The following TAOK1 variants were observed in gnomAD, a reference collection of about 807,000 sequenced individuals.
The protein encoded by TAOK1 is TAO kinase 1.
Under a neutral mutation model 138.3 loss-of-function variants are expected in TAOK1, and 21 were observed. The observed-to-expected ratio is 0.15, with a 90% CI of 0.11 to 0.22. The LOEUF is 0.22. Ranked by LOEUF, TAOK1 falls within the 10% of genes least tolerant of loss-of-function variation. TAOK1 has a pLI of 1.00. For synonymous variants in TAOK1, 361 were observed against 398.4 expected (o/e 0.91, Z 1.12); for missense variants, 651 against 1,227.7 (o/e 0.53, Z 7.02).
At chr17:29,440,958 C>T (rs529917081) in intron 1 of TAOK1, among the ~76,000 whole-genome samples, 67 of 152,152 alleles carry the variant, frequency 4.4e-4, no homozygotes, top group Admixed American at 3.5e-3. Context: ...GGGTTTTTTC[C>T]CTTCATTTTG....
rs1200088142 is a variant in TAOK1 at position 29,475,698 on chromosome 17, A to G, written c.233A>G (p.Lys78Arg). 1.9e-6 allele frequency: 3 copies of G among 1,612,796 alleles called. No homozygotes were observed. The Admixed American group carries it at 5.0e-5, about 27-fold the overall frequency. The change falls in exon 4 of 20, where the codon AAG becomes AGG. Residue 78 changes from lysine to arginine, a missense_variant. Around this residue, in one of 8 missense-constraint regions of TAOK1, gnomAD observed 116 missense variants for 213.9 expected, o/e 0.54. Coordinates refer to ENST00000261716, the MANE Select transcript of TAOK1 (RefSeq NM_020791.4). ...EKWQDIIKEV[K>R]FLQRIKHPNS... Reference sequence around the variant, plus strand: ...TGGCAGGATATTATTAAGGAAGTCAAGTTTCTACAAAGAATAAAACATCCC... The same window carrying G: ...TGGCAGGATATTATTAAGGAAGTCAGGTTTCTACAAAGAATAAAACATCCC...
chr17:29,455,801 C>T (rs1270501696), intron 2 of TAOK1, among the ~76,000 whole-genome samples: 1 of 150,026 alleles, frequency 6.7e-6, no homozygotes, highest in African/African-American at 2.5e-5. Context: ...ATCACCCTTA[C>T]ATGTCTGTGA....
intron 1 of TAOK1, among the ~76,000 whole-genome samples, chr17:29,436,821 C>T (rs959458081): frequency 3.3e-5 from 5 of 152,244 alleles, no homozygotes; most frequent in East Asian, 1.9e-4. Context: ...TGTACCTAAA[C>T]GTGTCACATA....
chr17:29,542,962 G>T lies in TAOK1; in HGVS notation c.2946G>T (p.Met982Ile). The T allele has an allele frequency of 6.2e-7, 1 of 1,611,960 alleles. No individual in the cohort carries two copies. Among genetic ancestry groups the T allele is most frequent in the South Asian group, 1.1e-5 (1 of 90,984 alleles). The change falls in exon 20 of 20, where the codon ATG becomes ATT. Residue 982 changes from methionine to isoleucine, a missense_variant. By Grantham distance (10) the Met-to-Ile change is conservative. Around this residue, in one of 8 missense-constraint regions of TAOK1, gnomAD observed 108 missense variants for 120.3 expected, o/e 0.90. Coordinates refer to ENST00000261716, the MANE Select transcript of TAOK1 (RefSeq NM_020791.4). Reference protein sequence around the residue: ...TASGGRTEQGMSRSTSVTSQI... With the variant: ...TASGGRTEQGISRSTSVTSQI... Reference sequence around the variant, plus strand: ...CTGGGGGACGGACGGAGCAGGGCATGAGCAGAAGCACGAGTGTCACTTCAC... The same window carrying T: ...CTGGGGGACGGACGGAGCAGGGCATTAGCAGAAGCACGAGTGTCACTTCAC...
chr17:29,482,251 A>G lies in TAOK1; in HGVS notation c.618A>G (p.Val206=), dbSNP rs552912150. The G allele has an allele frequency of 6.8e-6, 11 of 1,613,012 alleles. No homozygotes were observed. In the Admixed American group the frequency reaches 1.7e-4, roughly 24 times the overall value. Residue 206 remains valine (V), a synonymous_variant, in exon 8 of 20, where the codon GTA becomes GTG. Coordinates refer to ENST00000261716, the MANE Select transcript of TAOK1 (RefSeq NM_020791.4). The part of the protein sequence containing the change: ...AMDEGQYDGK[V]DVWSLGITCI... ...ATGAAGGACAATATGATGGCAAAGTAGATGTGTGGTCTCTTGGAATAACAT... is the reference window on the plus strand; with the variant it reads ...ATGAAGGACAATATGATGGCAAAGTGGATGTGTGGTCTCTTGGAATAACAT...
chr17:29,399,421 T>A (rs1036282490), intron 1 of TAOK1, among the ~76,000 whole-genome samples: 5 of 152,106 alleles, frequency 3.3e-5, no homozygotes, highest in Non-Finnish European at 5.9e-5. Context: ...GTTCATGCCA[T>A]TCTCCTGCCT....
chr17:29,468,490 T>A (rs1422904320), intron 3 of TAOK1, among the ~76,000 whole-genome samples: 1 of 151,970 alleles, frequency 6.6e-6, no homozygotes, highest in Non-Finnish European at 1.5e-5. Context: ...GGAAAGATTA[T>A]CAGTTTCTAA....
chr17:29,518,790 A>G (rs1427118324), intron 16 of TAOK1, among the ~76,000 whole-genome samples: 1 of 150,084 alleles, frequency 6.7e-6, no homozygotes, highest in Non-Finnish European at 1.5e-5. Flanking sequence ...TTATTTTGAA[A>G]CAGAGTCTCG....
rs554934327 is a variant in TAOK1 at position 29,498,198 on chromosome 17, T to C, written c.1000-120T>C. 4.9e-5 allele frequency: 49 copies of C among 1,001,854 alleles called. No homozygotes were observed. The African/African-American group carries it at 5.5e-4, about 11-fold the overall frequency. 62.1% of individuals were successfully genotyped at this position (1,001,854 alleles called of 1,614,324 possible). On this transcript the variant is annotated intron_variant, in intron 11 of 19. Transcript: ENST00000261716. ...CTTGGAAAATAAAAGCAATTTCTCA[T>C]GATAGACCAACTTTCTGAGACTGTC...
chr17:29,502,586 T>G lies in TAOK1; in HGVS notation c.1204-3T>G, dbSNP rs1327590793. 3 of 1,601,956 alleles carry G rather than the reference T, an allele frequency of 1.9e-6. No homozygotes were observed. The highest frequency in any genetic ancestry group is 2.3e-5 in the South Asian group (2 of 88,204). ...TAATATTGTCTTTTTTTTTTTTTCC[T>G]AGGAGGAAGAAAATTACAGAGAAGA... On this transcript the variant is annotated splice_region_variant and splice_polypyrimidine_tract_variant and intron_variant, in intron 12 of 19. Coordinates refer to ENST00000261716, the MANE Select transcript of TAOK1 (RefSeq NM_020791.4).
At chr17:29,499,126 G>A (rs935947138) in intron 12 of TAOK1, among the ~76,000 whole-genome samples, 19 of 151,720 alleles carry the variant, frequency 1.3e-4, no homozygotes, top group South Asian at 4.2e-4. Context: ...TAAAAAATAG[G>A]AAGGATACAC....
At position 29,545,598 on chromosome 17, in the gene TAOK1, TTAAAG is replaced by T. The variant is rs1486396493; in HGVS notation, c.*2579_*2583del. 5.9e-5 allele frequency: 9 copies of T among 152,276 alleles called. No homozygotes were observed. Among genetic ancestry groups the T allele is most frequent in the South Asian group, 2.1e-4 (1 of 4,830 alleles). 9.4% of individuals were successfully genotyped at this position (152,276 alleles called of 1,614,324 possible). On this transcript the variant is annotated 3_prime_UTR_variant, in exon 20 of 20. Transcript: ENST00000261716. ...CCTGGATTTTATCATTAAGTTAACT[TTAAAG>T]TATATACAGTTTGCAAAAAATGATT...
chr17:29,523,487 A>G (rs919935588), intron 17 of TAOK1, among the ~76,000 whole-genome samples: 5 of 152,132 alleles, frequency 3.3e-5, no homozygotes, highest in Admixed American at 1.3e-4. Flanking sequence ...TCCTGGGTTC[A>G]TGCCATTCTC....
At chr17:29,498,993 C>T (rs2031465006) in intron 12 of TAOK1, among the ~76,000 whole-genome samples, 2 of 151,826 alleles carry the variant, frequency 1.3e-5, no homozygotes, top group African/African-American at 2.4e-5. Flanking sequence ...CTGTTATCTC[C>T]ATTTGGAAAA....
chr17:29,400,772 A>G (rs1391155985), intron 1 of TAOK1, among the ~76,000 whole-genome samples: 6 of 152,122 alleles, frequency 3.9e-5, no homozygotes, highest in African/African-American at 7.2e-5. Flanking sequence ...TTCAAACTTT[A>G]GTTTGTGATC....
chr17:29,422,201 C>CT (rs753208068), intron 1 of TAOK1, among the ~76,000 whole-genome samples: 169 of 143,228 alleles, frequency 1.2e-3, no homozygotes, highest in Middle Eastern at 4.9e-3. Flanking sequence ...CCGGCCTATC[C>CT]TTTTTTTTAA....
At chr17:29,449,106 A>G (rs888416033) in intron 1 of TAOK1, among the ~76,000 whole-genome samples, 5 of 152,226 alleles carry the variant, frequency 3.3e-5, no homozygotes, top group Non-Finnish European at 7.3e-5. Context: ...TAATTCTTGT[A>G]ATAAGGGCAC....
intron 1 of TAOK1, among the ~76,000 whole-genome samples, chr17:29,419,879 TTTTG>T (rs1391067615): frequency 2.0e-5 from 3 of 152,088 alleles, no homozygotes; most frequent in East Asian, 3.9e-4. Context: ...AAAATTGTTT[TTTTG>T]TTTGTTTGTT....
chr17:29,455,972 C>G (rs1459188718), intron 2 of TAOK1, among the ~76,000 whole-genome samples: 1 of 150,032 alleles, frequency 6.7e-6, no homozygotes, highest in Non-Finnish European at 1.5e-5. Flanking sequence ...GTAATACTGG[C>G]TTCATAGGGT....
Sources: gnomAD v4.1 joint callset for allele counts (sites outside exome capture counted in the v4.1 genomes callset) on GRCh38, gnomAD v4.1.1 for gene constraint, gnomAD v4.1.1 regional missense constraint, MANE v1.5 for transcripts, NCBI Gene and HGNC (gene_info 2026-07-23, HGNC 2026-07-21) for gene names.